The following INSYN2B variants were observed in gnomAD, a reference collection of about 807,000 sequenced individuals.
INSYN2B encodes the protein inhibitory synaptic factor family member 2B.
A neutral mutation model predicts 41.2 loss-of-function variants in INSYN2B; 16 were observed. The observed-to-expected ratio is 0.39, with a 90% CI of 0.26 to 0.59. The LOEUF (loss-of-function observed/expected upper bound fraction) is 0.59, where lower values mean the gene tolerates loss of function less well. Ranked by LOEUF, INSYN2B falls within the 20% of genes least tolerant of loss-of-function variation. The probability of loss-of-function intolerance (pLI) is 0.57; values close to 1 mark genes in which losing one functional copy is unlikely to be tolerated. For missense variants in INSYN2B, 608 were observed against 646.4 expected, an observed-to-expected ratio of 0.94 and a Z score of 0.64; for synonymous variants, 245 against 244.4, an observed-to-expected ratio of 1.00 and a Z score of -0.02.
chr5:169,914,484 T>C (rs1774770531), intron 1 of INSYN2B, among the ~76,000 whole-genome samples: 1 of 152,202 alleles, frequency 6.6e-6, no homozygotes, highest in South Asian at 2.1e-4. Context: ...GAGGGATTGA[T>C]TATTGGAGAA....
chr5:169,934,241 T>C (rs573678210), intron 1 of INSYN2B, among the ~76,000 whole-genome samples: 1 of 152,170 alleles, frequency 6.6e-6, no homozygotes, highest in Non-Finnish European at 1.5e-5. Flanking sequence ...GGATTGTGAA[T>C]TCCTTGGAAC....
intron 1 of INSYN2B, among the ~76,000 whole-genome samples, chr5:169,954,208 G>A (rs1438600470): frequency 2.6e-5 from 4 of 152,220 alleles, no homozygotes; most frequent in Admixed American, 1.3e-4. Context: ...GTGTTTGGCT[G>A]TGACTAACTC....
At chr5:169,973,160 A>ACCCGATGT (rs1210047733) in intron 1 of INSYN2B, among the ~76,000 whole-genome samples, 11 of 152,268 alleles carry the variant, frequency 7.2e-5, no homozygotes, top group African/African-American at 2.6e-4. Flanking sequence ...TGGCTTGGTC[A>ACCCGATGT]CCCGATGTTC....
intron 1 of INSYN2B, among the ~76,000 whole-genome samples, chr5:169,920,084 C>T (rs756568183): frequency 3.9e-5 from 6 of 151,996 alleles, no homozygotes; most frequent in East Asian, 1.9e-4. Context: ...ATTTTATCTC[C>T]GGTGAATAGT....
intron 1 of INSYN2B, among the ~76,000 whole-genome samples, chr5:169,898,567 C>G (rs1474296418): frequency 6.6e-6 from 1 of 151,616 alleles, no homozygotes; most frequent in African/African-American, 2.4e-5. Flanking sequence ...ACAACACACA[C>G]CGGATTGCAG....
chr5:169,888,805 A>T (rs935304648), intron 1 of INSYN2B, among the ~76,000 whole-genome samples: 58 of 152,354 alleles, frequency 3.8e-4, no homozygotes, highest in African/African-American at 1.3e-3. Context: ...CTTCAGATAG[A>T]ACCCAGCTGG....
intron 1 of INSYN2B, among the ~76,000 whole-genome samples, chr5:169,952,674 C>T (rs1037118526): frequency 2.6e-5 from 4 of 152,166 alleles, no homozygotes; most frequent in African/African-American, 7.2e-5. Flanking sequence ...ACCTGCTTTT[C>T]CTAATCCCGT....
chr5:169,950,289 C>G (rs1329318419), intron 1 of INSYN2B, among the ~76,000 whole-genome samples: 4 of 152,204 alleles, frequency 2.6e-5, no homozygotes, highest in Non-Finnish European at 4.4e-5. Flanking sequence ...CATAAGAGAA[C>G]AAGCAGACCT....
At chr5:169,876,051 T>C (rs765088237) in intron 3 of INSYN2B, among the ~76,000 whole-genome samples, 10 of 152,200 alleles carry the variant, frequency 6.6e-5, no homozygotes, top group Non-Finnish European at 1.0e-4. Context: ...AAACATCCCT[T>C]GCCTTCTCTC....
At chr5:169,875,350 G>A (rs942324338) in intron 3 of INSYN2B, 13 of 456,380 alleles carry the variant, frequency 2.8e-5, no homozygotes, top group Admixed American at 2.6e-4. Flanking sequence ...GATGGTCCAC[G>A]ACCACGCTTT....
rs1190170952 is a variant in INSYN2B at position 169,882,913 on chromosome 5, C to G, written c.986G>C (p.Cys329Ser). 6.4e-7 allele frequency: 1 copy of G among 1,551,810 alleles called. No individual in the cohort carries two copies. The highest frequency in any genetic ancestry group is 8.7e-7 in the Non-Finnish European group (1 of 1,146,992). ...CTGGTGATTGTTACTTGATGAAGGA[C>G]AGTCTGAGGCTCTTCCTGGGTGGGC... ...QPAHPGRASDCPSSSNNHQNL... is the reference protein window; with the variant it reads ...QPAHPGRASDSPSSSNNHQNL... Residue 329 changes from cysteine (C) to serine (S), a missense_variant, in exon 2 of 4, where the codon TGT becomes TCT. Transcript: ENST00000377365.
chr5:169,876,992 C>T (rs1344230901), intron 3 of INSYN2B, among the ~76,000 whole-genome samples: 2 of 152,278 alleles, frequency 1.3e-5, no homozygotes, highest in East Asian at 3.9e-4. Context: ...TATTACAATG[C>T]AATAGGATCA....
At chr5:169,945,650 G>A (rs1255881065) in intron 1 of INSYN2B, among the ~76,000 whole-genome samples, 2 of 152,218 alleles carry the variant, frequency 1.3e-5, no homozygotes. Flanking sequence ...ATCTGCAGTG[G>A]CCTCTTCACA....
chr5:169,975,238 G>A (rs148502606), intron 1 of INSYN2B, among the ~76,000 whole-genome samples: 206 of 152,318 alleles, frequency 1.4e-3, no homozygotes, highest in African/African-American at 4.7e-3. Context: ...ACAAACTCCT[G>A]ACCCTAGGAA....
chr5:169,974,155 A>G (rs1283613035), intron 1 of INSYN2B, among the ~76,000 whole-genome samples: 1 of 152,232 alleles, frequency 6.6e-6, no homozygotes, highest in Non-Finnish European at 1.5e-5. Flanking sequence ...TGATCTAGGC[A>G]ACCTATATCC....
At chr5:169,930,182 G>A (rs113765679) in intron 1 of INSYN2B, among the ~76,000 whole-genome samples, 2,029 of 152,146 alleles carry the variant, frequency 0.013, 53 homozygotes, top group East Asian at 0.11. Flanking sequence ...GTAGAGATGG[G>A]GGTTTCACCA....
intron 1 of INSYN2B, among the ~76,000 whole-genome samples, chr5:169,956,388 G>T (rs983426282): frequency 6.6e-6 from 1 of 152,180 alleles, no homozygotes; most frequent in African/African-American, 2.4e-5. Flanking sequence ...TCTCATGGGG[G>T]TCTTAAATTC....
At chr5:169,938,119 G>A (rs752938599) in intron 1 of INSYN2B, among the ~76,000 whole-genome samples, 4 of 152,172 alleles carry the variant, frequency 2.6e-5, no homozygotes, top group Non-Finnish European at 5.9e-5. Context: ...GGTTATACTT[G>A]CAAGACAAAA....
chr5:169,900,820 A>G (rs1773881230), intron 1 of INSYN2B, among the ~76,000 whole-genome samples: 1 of 152,144 alleles, frequency 6.6e-6, no homozygotes. Context: ...TCCTCCTATT[A>G]CCAAGATACA....
Sources: gnomAD v4.1 joint callset for allele counts (sites outside exome capture counted in the v4.1 genomes callset) on GRCh38, gnomAD v4.1.1 for gene constraint, MANE v1.5 for transcripts, NCBI Gene and HGNC (gene_info 2026-07-23, HGNC 2026-07-21) for gene names.